DIAPH2: variants seen among roughly 807,000 people sequenced by gnomAD.
DIAPH2 encodes protein diaphanous homolog 2.
DIAPH2 carries 35 observed loss-of-function variants against 92.7 expected under a neutral mutation model. That is an observed-to-expected ratio of 0.38 (90% CI 0.29 to 0.50). The LOEUF is 0.50. DIAPH2 is among the 20% of genes least tolerant of loss of function. DIAPH2 has a pLI of 0.94. For synonymous variants in DIAPH2, 301 were observed against 280.4 expected (o/e 1.07, Z -0.73); for missense variants, 701 against 819.5 (o/e 0.86, Z 1.77).
chrX:97,249,063 AT>A (rs200923938), intron 23 of DIAPH2, among the ~76,000 whole-genome samples: 1,891 of 97,582 alleles, frequency 0.019, 17 homozygotes, highest in African/African-American at 0.025. Flanking sequence ...TGCTGATTAC[AT>A]TTTTTTTTTT....
chrX:97,033,318 C>CT, intron 17 of DIAPH2, among the ~76,000 whole-genome samples: 1 of 111,393 alleles, frequency 9.0e-6, no homozygotes, highest in Admixed American at 9.5e-5. Context: ...TCACAGTGTA[C>CT]TTTTTTTCCT....
intron 23 of DIAPH2, among the ~76,000 whole-genome samples, chrX:97,340,171 C>A (rs140877770): frequency 3.3e-3 from 370 of 111,658 alleles, no homozygotes; most frequent in African/African-American, 0.011. Flanking sequence ...GAGCAAATGC[C>A]CTTTGGCTGC....
chrX:97,227,735 T>C (rs1045850946), intron 22 of DIAPH2, among the ~76,000 whole-genome samples: 9 of 111,705 alleles, frequency 8.1e-5, no homozygotes, highest in African/African-American at 2.9e-4. Context: ...ATCAAGAAGA[T>C]TTTTTTAGAT....
At chrX:97,337,968 G>C (rs1442121574) in intron 23 of DIAPH2, among the ~76,000 whole-genome samples, 2 of 108,417 alleles carry the variant, frequency 1.8e-5, no homozygotes, top group Non-Finnish European at 3.8e-5. Context: ...CATCTCCTGG[G>C]TTCAAGCAAT....
intron 22 of DIAPH2, among the ~76,000 whole-genome samples, chrX:97,191,556 C>G (rs915421833): frequency 9.0e-6 from 1 of 110,982 alleles, no homozygotes; most frequent in East Asian, 2.8e-4. Flanking sequence ...TAGGTGTAGG[C>G]TGCAGGCTGC....
chrX:97,231,525 C>T (rs2068009496), intron 22 of DIAPH2, among the ~76,000 whole-genome samples: 1 of 111,213 alleles, frequency 9.0e-6, no homozygotes, highest in Non-Finnish European at 1.9e-5. Context: ...TTAAAAATAA[C>T]CTGGTGTATC....
intron 24 of DIAPH2, among the ~76,000 whole-genome samples, chrX:97,373,603 C>CTTTTT (rs769067046): frequency 2.8e-5 from 2 of 71,578 alleles, no homozygotes; most frequent in Non-Finnish European, 5.4e-5. Context: ...AAGGGAGATA[C>CTTTTT]TTTTTTTTTT....
intron 17 of DIAPH2, among the ~76,000 whole-genome samples, chrX:97,068,845 G>C (rs1177005823): frequency 1.8e-5 from 2 of 111,981 alleles, no homozygotes; most frequent in East Asian, 5.6e-4. Context: ...ATATGTATGC[G>C]TGAAGTTACA....
chrX:96,956,523 G>A (rs1444064810), intron 15 of DIAPH2, among the ~76,000 whole-genome samples: 1 of 112,040 alleles, frequency 8.9e-6, no homozygotes, highest in Non-Finnish European at 1.9e-5. Flanking sequence ...TGCATTGTCA[G>A]TCTGCAAATG....
chrX:97,504,679 T>C (rs1439235286), intron 26 of DIAPH2, among the ~76,000 whole-genome samples: 2 of 112,402 alleles, frequency 1.8e-5, no homozygotes, highest in African/African-American at 6.5e-5. Context: ...ACATGCAAAA[T>C]GACAGCAGTC....
At chrX:97,596,880 G>C (rs1399483801) in intron 26 of DIAPH2, among the ~76,000 whole-genome samples, 1 of 111,901 alleles carries the variant, frequency 8.9e-6, no homozygotes, top group Non-Finnish European at 1.9e-5. Flanking sequence ...CTAGCCACTA[G>C]AATGTGAAGA....
chrX:97,560,783 G>A (rs962091183), intron 26 of DIAPH2, among the ~76,000 whole-genome samples: 2 of 112,766 alleles, frequency 1.8e-5, no homozygotes, highest in Non-Finnish European at 3.8e-5. Flanking sequence ...GTGAGCCACC[G>A]TGCCCAGCCC....
At chrX:96,789,690 AC>A (rs2064485117) in intron 4 of DIAPH2, among the ~76,000 whole-genome samples, 1 of 111,839 alleles carries the variant, frequency 8.9e-6, no homozygotes, top group Admixed American at 9.5e-5. Flanking sequence ...CTGTTCGTCG[AC>A]TTGCATCATT....
chrX:97,573,299 C>T (rs1310126933), intron 26 of DIAPH2, among the ~76,000 whole-genome samples: 1 of 111,515 alleles, frequency 9.0e-6, no homozygotes. Flanking sequence ...GGACTTGCTA[C>T]TGTTTTCACA....
intron 25 of DIAPH2, among the ~76,000 whole-genome samples, chrX:97,407,653 A>C (rs1481830779): frequency 3.6e-5 from 4 of 112,129 alleles, no homozygotes; most frequent in African/African-American, 9.7e-5. Context: ...TGAAATTGTA[A>C]ATCTTTTCTA....
At chrX:96,759,641 A>G (rs1315675234) in intron 4 of DIAPH2, among the ~76,000 whole-genome samples, 1 of 111,966 alleles carries the variant, frequency 8.9e-6, no homozygotes, top group Non-Finnish European at 1.9e-5. Flanking sequence ...TAGTAAATCT[A>G]TATGACTGAA....
intron 5 of DIAPH2, among the ~76,000 whole-genome samples, chrX:96,885,645 C>T (rs1050845222): frequency 9.0e-6 from 1 of 110,691 alleles, no homozygotes; most frequent in Non-Finnish European, 1.9e-5. Flanking sequence ...GTGTGATTTG[C>T]TCTTATTACT....
chrX:97,531,958 A>G (rs1044572298), intron 26 of DIAPH2, among the ~76,000 whole-genome samples: 4 of 112,572 alleles, frequency 3.6e-5, no homozygotes, highest in African/African-American at 1.3e-4. Flanking sequence ...TTTTAAAATT[A>G]CATGTCAAAT....
At chrX:97,160,719 A>C (rs148639505) in intron 22 of DIAPH2, among the ~76,000 whole-genome samples, 1 of 111,652 alleles carries the variant, frequency 9.0e-6, no homozygotes, top group African/African-American at 3.3e-5. Flanking sequence ...CTTGGTCTTA[A>C]GTCTGGTTTT....
Sources: allele counts gnomAD v4.1 joint callset (sites outside exome capture counted in the v4.1 genomes callset), GRCh38; gene constraint gnomAD v4.1.1; transcripts MANE v1.5; gene names NCBI Gene and HGNC (gene_info 2026-07-23, HGNC 2026-07-21).